The following PRRC2B variants were observed in gnomAD, a reference collection of about 807,000 sequenced individuals.
PRRC2B encodes protein PRRC2B.
Under a neutral mutation model 242.3 loss-of-function variants are expected in PRRC2B, and 68 were observed. That is an observed-to-expected ratio of 0.28 (90% CI 0.23 to 0.34). The LOEUF is 0.34. Ranked by LOEUF, PRRC2B falls within the 10% of genes least tolerant of loss-of-function variation. The probability of loss-of-function intolerance (pLI) is 1.00; values close to 1 mark genes in which losing one functional copy is unlikely to be tolerated. For missense variants in PRRC2B, 2,835 were observed against 2,954.8 expected (o/e 0.96, Z 0.94); for synonymous variants, 1,228 against 1,173.6 (o/e 1.05, Z -0.95).
At chr9:131,452,502 CAT>C (rs1314271632) in intron 9 of PRRC2B, among the ~76,000 whole-genome samples, 21 of 152,252 alleles carry the variant, frequency 1.4e-4, no homozygotes, top group African/African-American at 4.8e-4. Flanking sequence ...AAATTATTAA[CAT>C]AAAGTTGTTG....
chr9:131,404,660 A>G (rs556489479), intron 1 of PRRC2B, among the ~76,000 whole-genome samples: 1 of 151,992 alleles, frequency 6.6e-6, no homozygotes, highest in Non-Finnish European at 1.5e-5. Context: ...ATCCACATGC[A>G]CGTTTGTATT....
chr9:131,395,970 TGA>T lies in PRRC2B; in HGVS notation c.-52+1711_-52+1712del, dbSNP rs1265542791. ...CCTTGGGGATTGGCAGATAATCATC[TGA>T]GAGTGAGTTTCTACTTGTTTGGGCA... On this transcript the variant is annotated intron_variant, in intron 1 of 31. Transcript: ENST00000683519. 2.6e-5 allele frequency among the ~76,000 whole-genome samples: 4 copies of T among 152,326 alleles called. No homozygotes were observed. The East Asian group carries it at 5.8e-4, about 22-fold the overall frequency.
chr9:131,483,740 G>A (rs1943937646), intron 23 of PRRC2B, among the ~76,000 whole-genome samples: 1 of 152,202 alleles, frequency 6.6e-6, no homozygotes, highest in Admixed American at 6.5e-5. Context: ...GGGGTAAGGG[G>A]CACAGATTGA....
chr9:131,456,207 G>A (rs1943069656), intron 10 of PRRC2B, among the ~76,000 whole-genome samples: 1 of 9,326 alleles, frequency 1.1e-4, no homozygotes, highest in Admixed American at 2.4e-3. Context: ...TGTTAATTTT[G>A]TCTCTTTTTT....
In PRRC2B at chr9:131,482,450, A is replaced by C; in HGVS notation, c.5063A>C (p.Gln1688Pro). ...ESRESSATSS[Q>P]RSSPYGTLKP... ...CGGGAGTCGTCTGCGACCTCCTCGC[A>C]GCGCAGCTCCCCATATGGGACTCTG... Residue 1688 changes from glutamine to proline, a missense_variant, in exon 21 of 32, where the codon CAG becomes CCG. Transcript: ENST00000683519. The surrounding 1 kb of genome is among the most constrained non-coding windows in gnomAD (Gnocchi z 5.2). The C allele has an allele frequency of 6.2e-7, 1 of 1,609,438 alleles. No homozygotes were observed. The highest frequency in any genetic ancestry group is 8.5e-7 in the Non-Finnish European group (1 of 1,176,030).
In PRRC2B at chr9:131,495,950, G is replaced by C; in HGVS notation, c.*76G>C. On this transcript the variant is annotated 3_prime_UTR_variant, in exon 32 of 32. Coordinates refer to ENST00000683519, the MANE Select transcript of PRRC2B (RefSeq NM_013318.4). ...GCGGCCTCGACACAGCCGACACTCGGGAGCCTCACCAGATCCACCGTCCAA... is the reference window on the plus strand; with the variant it reads ...GCGGCCTCGACACAGCCGACACTCGCGAGCCTCACCAGATCCACCGTCCAA... 26 of 1,561,238 alleles carry C rather than the reference G, an allele frequency of 1.7e-5. No individual in the cohort carries two copies. Among genetic ancestry groups the C allele is most frequent in the Non-Finnish European group, 2.3e-5 (26 of 1,148,976 alleles).
chr9:131,408,692 G>A, intron 1 of PRRC2B, among the ~76,000 whole-genome samples: 1 of 151,998 alleles, frequency 6.6e-6, no homozygotes, highest in East Asian at 1.9e-4. Flanking sequence ...CTTTTGAGTT[G>A]GATTGTTTTC....
At chr9:131,391,032 A>G (rs1447160704), upstream of PRRC2B, among the ~76,000 whole-genome samples, 3 of 144,842 alleles carry the variant, frequency 2.1e-5, no homozygotes, top group African/African-American at 2.6e-5. Context: ...TGATCTGCCC[A>G]CCTCAGCCTC....
chr9:131,448,547 A>AAAAAAAAAAAAAAC (rs1838890534), intron 9 of PRRC2B, among the ~76,000 whole-genome samples: 5 of 98,874 alleles, frequency 5.1e-5, no homozygotes, highest in African/African-American at 7.5e-5. Context: ...CTGTCTCAAA[A>AAAAAAAAAAAAAAC]AAAAAAAAAA....
chr9:131,387,851 A>G (rs1027537364), intron 1 of PRRC2B, among the ~76,000 whole-genome samples: 2 of 150,872 alleles, frequency 1.3e-5, no homozygotes, highest in African/African-American at 4.8e-5. Flanking sequence ...TAAAATATTA[A>G]TTACCTGTTG....
At position 131,394,260 on chromosome 9, in the gene PRRC2B, C is replaced by G. The variant is rs940702473; in HGVS notation, c.-55C>G. 1 of 147,474 alleles carries G rather than the reference C, an allele frequency of 6.8e-6. No homozygotes were observed. The highest frequency in any genetic ancestry group is 1.5e-5 in the Non-Finnish European group (1 of 65,948). The allele number at this position is 147,474 out of a possible 1,614,324, so 9.1% of individuals were successfully genotyped here. On this transcript the variant is annotated 5_prime_UTR_variant, in exon 1 of 32. Transcript: ENST00000683519. ...GCCCGGCCGCGCCCGCGGAACCAGA[C>G]CAGGTGGGTCGGGGCCGGGGCCGGG...
Position 131,482,820 on chromosome 9 carries a change from G to A in PRRC2B, c.5286G>A (p.Gly1762=), listed in dbSNP as rs372034220. The A allele has an allele frequency of 1.2e-6, 2 of 1,609,548 alleles. No homozygotes were observed. Among genetic ancestry groups the A allele is most frequent in the Non-Finnish European group, 8.5e-7 (1 of 1,177,922 alleles). The change falls in exon 22 of 32, where the codon GGG becomes GGA. Residue 1762 remains glycine (G), a synonymous_variant. Transcript: ENST00000683519. The surrounding 1 kb of genome is among the most constrained non-coding windows in gnomAD (Gnocchi z 5.2). ...KGSEGAERLQ[G]AVVPPVNGVE... ...CGGAGGGGGCCGAGCGGCTGCAAGG[G>A]GCTGTCGTCCCGCCTGTTAACGGGG... is the stretch of plus-strand genomic sequence containing the variant.
chr9:131,445,213 T>C (rs1564286241), intron 6 of PRRC2B, among the ~76,000 whole-genome samples: 1 of 151,428 alleles, frequency 6.6e-6, no homozygotes, highest in Non-Finnish European at 1.5e-5. Context: ...CAGGGTGGAG[T>C]GCAATGGTGC....
chr9:131,478,421 C>T, intron 17 of PRRC2B, 53 bp from the exon 18 acceptor site: 1 of 1,577,990 alleles, frequency 6.3e-7, no homozygotes, highest in Non-Finnish European at 8.7e-7. Context: ...TTGGGTTGTT[C>T]TTGTCTCCTG....
intron 3 of PRRC2B, among the ~76,000 whole-genome samples, chr9:131,433,166 T>TGAG (rs2131329102): frequency 6.6e-6 from 1 of 152,306 alleles, no homozygotes; most frequent in South Asian, 2.1e-4. Context: ...AGCTGGGGCT[T>TGAG]GAGGACTTCA....
chr9:131,433,348 C>A (rs771358432), intron 3 of PRRC2B, among the ~76,000 whole-genome samples: 11 of 152,220 alleles, frequency 7.2e-5, no homozygotes, highest in African/African-American at 1.2e-4. Context: ...ACTGCAGCCT[C>A]CCTGGAGGCT....
chr9:131,463,488 G>A (rs1943300567), intron 11 of PRRC2B, among the ~76,000 whole-genome samples: 1 of 152,110 alleles, frequency 6.6e-6, no homozygotes, highest in African/African-American at 2.4e-5. Context: ...TCAGGTGACA[G>A]CTGTCCATCA....
chr9:131,492,210 T>G lies in PRRC2B; in HGVS notation c.6423T>G (p.Ser2141Arg). The G allele has an allele frequency of 1.9e-6, 3 of 1,613,930 alleles. No individual in the cohort carries two copies. Among genetic ancestry groups the G allele is most frequent in the Non-Finnish European group, 2.5e-6 (3 of 1,179,870 alleles). ...MEMKGFHFAD[S>R]KQNVPSGGPV... ...TGAAAGGCTTCCACTTTGCCGACAG[T>G]AAACAGAATGTCCCTTCAGGAGGCC... is the stretch of plus-strand genomic sequence containing the variant. Residue 2141 changes from serine (S) to arginine (R), a missense_variant, in exon 30 of 32, where the codon AGT (serine) becomes AGG (arginine). Around this residue, in one of 7 missense-constraint regions of PRRC2B, gnomAD observed 574 missense variants for 626.0 expected, o/e 0.92. Coordinates refer to ENST00000683519, the MANE Select transcript of PRRC2B (RefSeq NM_013318.4).
At chr9:131,492,749 G>C (rs1944231107) in intron 30 of PRRC2B, among the ~76,000 whole-genome samples, 1 of 152,022 alleles carries the variant, frequency 6.6e-6, no homozygotes, top group Non-Finnish European at 1.5e-5. Flanking sequence ...CCCTCTTTTT[G>C]CTTCCTTTGT....
Sources: allele counts gnomAD v4.1 joint callset (sites outside exome capture counted in the v4.1 genomes callset), GRCh38; gene constraint gnomAD v4.1.1; regional missense constraint gnomAD v4.1.1; non-coding constraint Gnocchi (gnomAD v3.1); transcripts MANE v1.5; gene names NCBI Gene and HGNC (gene_info 2026-07-23, HGNC 2026-07-21).